The following SAGE1 variants were observed in gnomAD, a reference collection of about 807,000 sequenced individuals.
SAGE1 encodes sarcoma antigen 1.
SAGE1 carries 55 observed loss-of-function variants against 55.4 expected under a neutral mutation model. That is an observed-to-expected ratio of 0.99 (90% CI 0.80 to 1.24). The LOEUF (loss-of-function observed/expected upper bound fraction) is 1.24. Among genes scored for constraint, SAGE1 ranks in the 50% most tolerant of loss-of-function variants. SAGE1 has a pLI of 0.00. For missense variants in SAGE1, 710 were observed against 704.4 expected, an observed-to-expected ratio of 1.01 and a Z score of -0.09; for synonymous variants, 240 against 244.3, an observed-to-expected ratio of 0.98 and a Z score of 0.17.
chrX:135,899,425 G>C lies in SAGE1; in HGVS notation c.88-2134G>C, dbSNP rs189833739. Among the ~76,000 whole-genome samples the C allele has an allele frequency of 1.8e-4, 20 of 112,067 alleles. No homozygotes were observed. The South Asian group carries it at 7.1e-3, about 40-fold the overall frequency. ...GTAGTATAGTTTGAAGTTAGGTAGC[G>C]TGATGCCTCCAGCTTTGTTCTTATT... On this transcript the variant is annotated intron_variant, in intron 2 of 19. Coordinates refer to ENST00000370709, the MANE Select transcript of SAGE1 (RefSeq NM_001381902.1).
At position 135,907,308 on chromosome X, in the gene SAGE1, T is replaced by C. The variant is rs190752464; in HGVS notation, c.878-5T>C. The stretch of plus-strand genomic sequence containing the variant: ...CACAGCTCAACCTCTTCATTTGTTT[T>C]CCAGATTCCACCGTCCCTCACAATG... On this transcript the variant is annotated splice_polypyrimidine_tract_variant and splice_region_variant and intron_variant, in intron 8 of 19. Transcript: ENST00000370709. The C allele has an allele frequency of 1.7e-6, 2 of 1,202,462 alleles. No individual in the cohort carries two copies. The highest frequency in any genetic ancestry group is 5.9e-5 in the East Asian group (2 of 33,642).
chrX:135,903,917 T>C (rs1556598431), intron 3 of SAGE1, among the ~76,000 whole-genome samples: 2 of 112,489 alleles, frequency 1.8e-5, no homozygotes, highest in East Asian at 5.5e-4. Context: ...TTGTATTATC[T>C]GACCTGATCT....
Position 135,908,097 on chromosome X carries a change from A to G in SAGE1, c.1168A>G (p.Ile390Val), listed in dbSNP as rs782568626. Residue 390 changes from isoleucine to valine, a missense_variant, in exon 11 of 20, where the codon ATC becomes GTC. Coordinates refer to ENST00000370709, the MANE Select transcript of SAGE1 (RefSeq NM_001381902.1). ...CTACATTTGGTTTCCAGATGCTACC[A>G]TCATTCACAATCTGCGTGAAGAGAA... ...AMSTRDQHATIIHNLREEKKD... is the reference protein window; with the variant it reads ...AMSTRDQHATVIHNLREEKKD... The G allele has an allele frequency of 2.8e-5, 34 of 1,208,203 alleles. No individual in the cohort carries two copies. The Admixed American group carries it at 6.8e-4, about 24-fold the overall frequency.
chrX:135,904,609 A>AGATCTGTGT (rs782819656), intron 4 of SAGE1, 40 bp downstream of exon 4: 249 of 896,954 alleles, frequency 2.8e-4, no homozygotes, highest in Non-Finnish European at 3.6e-4. Flanking sequence ...ATGAGTATGA[A>AGATCTGTGT]ATTCATCCAT....
intron 4 of SAGE1, among the ~76,000 whole-genome samples, chrX:135,904,965 A>G (rs2088758970): frequency 9.0e-6 from 1 of 111,550 alleles, no homozygotes. Flanking sequence ...TATTAATATG[A>G]CAGGAGCTGG....
In SAGE1 at chrX:135,910,540, AT is replaced by A. The variant is rs782178092; in HGVS notation, c.1992del (p.Thr665ProfsTer17). ...GGCAGCAGCTGGAATTTCATCCACGATTACCAGGGATCTGTGTATGTCTGCT... is the reference window on the plus strand; with the variant it reads ...GGCAGCAGCTGGAATTTCATCCACGATACCAGGGATCTGTGTATGTCTGCT... Reference protein sequence around the residue: ...HMAAAGISSTITRDLYVTATH... With the variant: ...HMAAAGISSTXTRDLYVTATH... On this transcript the variant is annotated frameshift_variant, in exon 16 of 20. Transcript: ENST00000370709. LOFTEE classifies it high-confidence loss of function. The A allele has an allele frequency of 8.3e-7, 1 of 1,208,895 alleles. No homozygotes were observed. The highest frequency in any genetic ancestry group is 1.7e-5 in the African/African-American group (1 of 57,173).
intron 3 of SAGE1, 149 bp downstream of exon 3, chrX:135,901,840 G>C (rs1556596921): frequency 1.8e-6 from 1 of 549,035 alleles, no homozygotes; most frequent in African/African-American, 2.3e-5. Context: ...GCAAGCGTTA[G>C]ATGAATGAAG....
rs781845936 is a variant in SAGE1 at position 135,906,471 on chromosome X, A to G, written c.656A>G (p.Asp219Gly). The G allele has an allele frequency of 2.5e-6, 3 of 1,209,213 alleles. No individual in the cohort carries two copies. Among genetic ancestry groups the G allele is most frequent in the African/African-American group, 3.5e-5 (2 of 57,443 alleles). The change falls in exon 7 of 20, where the codon GAT becomes GGT. Residue 219 changes from aspartate to glycine, a missense_variant. By Grantham distance (94) the Asp-to-Gly change is moderately conservative (BLOSUM62 -1). Transcript: ENST00000370709. Reference sequence around the variant, plus strand: ...ATGGAAAATGTCCAACCAGCACCTGATAACGTGTTGTTGACTCTTCGACCA... The same window carrying G: ...ATGGAAAATGTCCAACCAGCACCTGGTAACGTGTTGTTGACTCTTCGACCA... Reference protein sequence around the residue: ...QKMENVQPAPDNVLLTLRPRR... With the variant: ...QKMENVQPAPGNVLLTLRPRR...
chrX:135,904,383 A>G (rs2088741415), intron 3 of SAGE1, 94 bp from the exon 4 acceptor site: 1 of 542,299 alleles, frequency 1.8e-6, no homozygotes, highest in Non-Finnish European at 3.2e-6. Flanking sequence ...TCTTTATGAG[A>G]TAATTTCCTA....
intron 1 of SAGE1, among the ~76,000 whole-genome samples, chrX:135,895,073 C>G (rs1450291006): frequency 1.8e-5 from 2 of 111,398 alleles, no homozygotes; most frequent in African/African-American, 6.5e-5. Context: ...TGCTTTATCT[C>G]TGGTAATCCT....
At chrX:135,900,964 G>A (rs1189749278) in intron 2 of SAGE1, among the ~76,000 whole-genome samples, 2 of 109,286 alleles carry the variant, frequency 1.8e-5, no homozygotes, top group Non-Finnish European at 3.8e-5. Flanking sequence ...GGCTAACACG[G>A]TGAAACCCCA....
chrX:135,912,591 T>C, intron 19 of SAGE1, 177 bp downstream of exon 19: 3 of 754,014 alleles, frequency 4.0e-6, no homozygotes, highest in Non-Finnish European at 4.7e-6. Context: ...TCCAATACCA[T>C]GGAGGCTTCC....
At chrX:135,906,873 G>T in intron 7 of SAGE1, 53 bp from the exon 8 acceptor site, 1 of 1,150,678 alleles carries the variant, frequency 8.7e-7, no homozygotes, top group Non-Finnish European at 1.2e-6. Flanking sequence ...TATACCTGTG[G>T]GGTTACCATA....
Position 135,910,171 on chromosome X carries a change from G to A in SAGE1, c.1864+1G>A. On this transcript the variant is annotated splice_donor_variant, in intron 15 of 19. Transcript: ENST00000370709. LOFTEE classifies it high-confidence loss of function. ...TCATCCATGAGTACCAGGGATCAGTGTAAGTTTATTCACTTGTTGTACTGT... is the reference window on the plus strand; with the variant it reads ...TCATCCATGAGTACCAGGGATCAGTATAAGTTTATTCACTTGTTGTACTGT... The A allele has an allele frequency of 8.3e-7, 1 of 1,202,670 alleles. No homozygotes were observed. The highest frequency in any genetic ancestry group is 1.1e-6 in the Non-Finnish European group (1 of 888,568).
At chrX:135,903,799 G>T (rs1435298309) in intron 3 of SAGE1, among the ~76,000 whole-genome samples, 12 of 108,617 alleles carry the variant, frequency 1.1e-4, no homozygotes, top group Non-Finnish European at 2.1e-4. Flanking sequence ...ATCAAGGGCA[G>T]CAAGATGATA....
At position 135,909,761 on chromosome X, in the gene SAGE1, A is replaced by G. The variant is rs782077912; in HGVS notation, c.1705A>G (p.Met569Val). The change falls in exon 14 of 20, where the codon ATG becomes GTG. Residue 569 changes from methionine (M) to valine (V), a missense_variant. Met to Val is a conservative substitution (Grantham distance 21). Transcript: ENST00000370709. ...TTTGACAGTAGCTGGTATTCCGGCC[A>G]TGAGTACCAGGGATCAGTGTATGTT... The part of the protein sequence containing the change: ...TYLTVAGIPA[M>V]STRDQYATVT... The G allele has an allele frequency of 1.7e-6, 2 of 1,201,282 alleles. No homozygotes were observed. The highest frequency in any genetic ancestry group is 1.7e-5 in the African/African-American group (1 of 57,224).
rs1556593510 is a variant in SAGE1 at position 135,896,171 on chromosome X, G to A, written c.1-72G>A. ...TCAGCTGTATAGCGCCAATTTATGT[G>A]CCAGTTACGTTCCAGTTATAAATCA... On this transcript the variant is annotated intron_variant, in intron 1 of 19. Coordinates refer to ENST00000370709, the MANE Select transcript of SAGE1 (RefSeq NM_001381902.1). The A allele has an allele frequency of 1.1e-5, 8 of 738,283 alleles. No homozygotes were observed. The South Asian group carries it at 1.3e-4, about 12-fold the overall frequency. 60.8% of individuals were successfully genotyped at this position (738,283 alleles called of 1,213,427 possible). A position where few individuals can be genotyped will look rare whatever the true frequency, so the allele number is the denominator to read the frequency against.
In SAGE1 at chrX:135,906,437, G is replaced by C. The variant is rs782034904; in HGVS notation, c.622G>C (p.Glu208Gln). 2.5e-6 allele frequency: 3 copies of C among 1,211,296 alleles called. No homozygotes were observed. The highest frequency in any genetic ancestry group is 3.4e-6 in the Non-Finnish European group (3 of 894,996). ...TGCTACAGTCACTCACAATGTCTGT[G>C]AACAGAAGATGGAAAATGTCCAACC... ...LYATVTHNVC[E>Q]QKMENVQPAP... Residue 208 changes from glutamate to glutamine, a missense_variant, in exon 7 of 20, where the codon GAA becomes CAA. Coordinates refer to ENST00000370709, the MANE Select transcript of SAGE1 (RefSeq NM_001381902.1).
chrX:135,902,657 T>C (rs1471573010), intron 3 of SAGE1, among the ~76,000 whole-genome samples: 1 of 112,183 alleles, frequency 8.9e-6, no homozygotes, highest in Non-Finnish European at 1.9e-5. Context: ...GCTCTCATGG[T>C]CGGTTGCCTA....
Sources: gnomAD v4.1 joint callset for allele counts (sites outside exome capture counted in the v4.1 genomes callset) on GRCh38, gnomAD v4.1.1 for gene constraint, MANE v1.5 for transcripts, NCBI Gene and HGNC (gene_info 2026-07-23, HGNC 2026-07-21) for gene names.